The following FBXO36 variants were observed in gnomAD, a reference collection of about 807,000 sequenced individuals.
FBXO36 encodes the protein F-box only protein 36.
In FBXO36, 18 loss-of-function variants were observed where a neutral mutation model predicts 17.0. That is an observed-to-expected ratio of 1.06 (90% confidence interval 0.73 to 1.57). The LOEUF (loss-of-function observed/expected upper bound fraction) is 1.57, where lower values mean the gene tolerates loss of function less well. Among genes scored for constraint, FBXO36 ranks in the 40% most tolerant of loss-of-function variants. FBXO36 has a pLI of 0.00. For missense variants in FBXO36, 229 were observed against 221.9 expected (o/e 1.03, Z -0.20); for synonymous variants, 83 against 85.3 (o/e 0.97, Z 0.15).
chr2:229,944,575 G>A (rs1352996423), intron 1 of FBXO36, among the ~76,000 whole-genome samples: 1 of 147,330 alleles, frequency 6.8e-6, no homozygotes, highest in Admixed American at 7.2e-5. Flanking sequence ...AGCAAAACTG[G>A]TATTTTTTTT....
At chr2:229,967,902 A>T (rs1402160835) in intron 1 of FBXO36, among the ~76,000 whole-genome samples, 2 of 152,130 alleles carry the variant, frequency 1.3e-5, no homozygotes, top group African/African-American at 4.8e-5. Flanking sequence ...AAAATGAGTT[A>T]GGGAGGATTC....
At position 230,010,754 on chromosome 2, in the gene FBXO36, C is replaced by T; in HGVS notation, c.437C>T (p.Thr146Ile). 1 of 1,613,988 alleles carries T rather than the reference C, an allele frequency of 6.2e-7. No homozygotes were observed. Among genetic ancestry groups the T allele is most frequent in the Non-Finnish European group, 8.5e-7 (1 of 1,179,854 alleles). The change falls in exon 4 of 4, where the codon ACT (threonine) becomes ATT (isoleucine). Residue 146 changes from threonine (T) to isoleucine (I), a missense_variant. Thr to Ile is a moderately conservative substitution (Grantham distance 89). Coordinates refer to ENST00000283946, the MANE Select transcript of FBXO36 (RefSeq NM_174899.5). The part of the protein sequence containing the change: ...QIVQSTCDTI[T>I]PDVRALAEDT... Reference sequence around the variant, plus strand: ...GTCCAGTCGACCTGCGACACCATCACTCCTGACGTGAGGGCCCTGGCGGAG... The same window carrying T: ...GTCCAGTCGACCTGCGACACCATCATTCCTGACGTGAGGGCCCTGGCGGAG...
chr2:229,975,261 T>C (rs1326013341), intron 1 of FBXO36, among the ~76,000 whole-genome samples: 3 of 152,130 alleles, frequency 2.0e-5, no homozygotes, highest in African/African-American at 7.2e-5. Context: ...AATGATGCTT[T>C]CCCTATCTCT....
At chr2:230,005,865 A>C (rs919278762) in intron 3 of FBXO36, among the ~76,000 whole-genome samples, 2 of 151,740 alleles carry the variant, frequency 1.3e-5, no homozygotes, top group African/African-American at 4.8e-5. Context: ...ATGGGGTTTC[A>C]CCATTTTGGC....
rs530554442 is a variant in FBXO36 at position 229,979,837 on chromosome 2, T to C, written c.205+3488T>C. Among the ~76,000 whole-genome samples, 16 of 151,664 alleles carry C rather than the reference T, an allele frequency of 1.1e-4. No homozygotes were observed. In the South Asian group the frequency reaches 3.1e-3, roughly 30 times the overall value. The stretch of plus-strand genomic sequence containing the variant: ...CATTGTTGGCTTAAGAACAACCATG[T>C]CAAATAATGAAAAAGAGAAGAAAAT... On this transcript the variant is annotated intron_variant, in intron 2 of 3. Coordinates refer to ENST00000283946, the MANE Select transcript of FBXO36 (RefSeq NM_174899.5).
chr2:229,999,686 T>C (rs1403578475), intron 3 of FBXO36, among the ~76,000 whole-genome samples: 2 of 151,654 alleles, frequency 1.3e-5, no homozygotes, highest in Admixed American at 1.3e-4. Context: ...CAAATATATA[T>C]ATGTATATAT....
intron 3 of FBXO36, among the ~76,000 whole-genome samples, chr2:230,005,862 T>C (rs1160592831): frequency 6.6e-6 from 1 of 152,032 alleles, no homozygotes; most frequent in Non-Finnish European, 1.5e-5. Flanking sequence ...GAGATGGGGT[T>C]TCACCATTTT....
chr2:229,974,895 G>C (rs2077199426), intron 1 of FBXO36, among the ~76,000 whole-genome samples: 1 of 152,118 alleles, frequency 6.6e-6, no homozygotes, highest in Admixed American at 6.6e-5. Context: ...TGTTGAAGCT[G>C]TAGCCCCCAG....
chr2:229,924,488 T>C (rs2076894045), intron 1 of FBXO36, among the ~76,000 whole-genome samples: 1 of 152,218 alleles, frequency 6.6e-6, no homozygotes, highest in African/African-American at 2.4e-5. Flanking sequence ...TCTATTTTTA[T>C]CTACCTCAAG....
At chr2:229,977,351 T>C (rs1413420355) in intron 2 of FBXO36, among the ~76,000 whole-genome samples, 4 of 152,102 alleles carry the variant, frequency 2.6e-5, no homozygotes, top group African/African-American at 9.7e-5. Context: ...CTCAGGACAC[T>C]GGAGACGTCT....
chr2:229,996,876 C>T lies in FBXO36; in HGVS notation c.331C>T (p.Leu111Phe). The change falls in exon 3 of 4, where the codon CTT becomes TTT. Residue 111 changes from leucine to phenylalanine, a missense_variant. Physicochemically the swap from Leu to Phe is conservative, Grantham distance 22. Transcript: ENST00000283946. ...LLLTIISYLD[L>F]EDIARLCQTS... is the part of the protein sequence containing the mutation. The stretch of plus-strand genomic sequence containing the variant: ...CCTGACTATCATTTCTTATCTGGAT[C>T]TTGAAGATATTGCCAGGCTTTGTCA... The T allele has an allele frequency of 6.2e-7, 1 of 1,614,006 alleles. No individual in the cohort carries two copies. Among genetic ancestry groups the T allele is most frequent in the Non-Finnish European group, 8.5e-7 (1 of 1,179,990 alleles).
chr2:229,931,096 A>C (rs938005886), intron 1 of FBXO36, among the ~76,000 whole-genome samples: 1 of 152,158 alleles, frequency 6.6e-6, no homozygotes, highest in Non-Finnish European at 1.5e-5. Flanking sequence ...AATTTCTTTT[A>C]ATTTTTTTAA....
intron 3 of FBXO36, among the ~76,000 whole-genome samples, chr2:230,008,795 A>G (rs2077400407): frequency 6.6e-6 from 1 of 152,214 alleles, no homozygotes; most frequent in South Asian, 2.1e-4. Flanking sequence ...TTATATTTAG[A>G]ATAGGTTGTA....
intron 1 of FBXO36, among the ~76,000 whole-genome samples, chr2:229,968,081 C>T (rs2077162850): frequency 6.6e-6 from 1 of 151,906 alleles, no homozygotes; most frequent in Non-Finnish European, 1.5e-5. Flanking sequence ...TTCGGAGATT[C>T]AACTTCTTTT....
rs1339102866 is a variant in FBXO36, at chr2:229,996,921, A to G, written c.376A>G (p.Lys126Glu). 1 of 1,611,398 alleles carries G rather than the reference A, an allele frequency of 6.2e-7. No homozygotes were observed. The highest frequency in any genetic ancestry group is 1.1e-5 in the South Asian group (1 of 90,034). ...RLCQTSHRFA[K>E]LCMSDKLWEQ... is the part of the protein sequence containing the mutation. ...TTGTCAAACATCACACAGATTTGCA[A>G]AGGTAACGGTCAATTATTTTATGTC... The change falls in exon 3 of 4, where the codon AAG becomes GAG. Residue 126 changes from lysine to glutamate, a missense_variant and splice_region_variant. Transcript: ENST00000283946.
chr2:229,976,286 T>A lies in FBXO36; in HGVS notation c.142T>A (p.Ser48Thr), dbSNP rs1227455059. The A allele has an allele frequency of 6.2e-7, 1 of 1,613,628 alleles. No individual in the cohort carries two copies. The highest frequency in any genetic ancestry group is 1.3e-5 in the African/African-American group (1 of 74,908). The change falls in exon 2 of 4, where the codon TCA becomes ACA. Residue 48 changes from serine to threonine, a missense_variant. Ser to Thr is a moderately conservative substitution (Grantham distance 58). Transcript: ENST00000283946. ...GATCTCTCTAAGGAGTGAGTATCGA[T>A]CAACAAAACCTGGAGAAGCAAAAGA... ...WKISLRSEYR[S>T]TKPGEAKETH...
At chr2:229,981,270 C>G (rs1381064407) in intron 2 of FBXO36, among the ~76,000 whole-genome samples, 1 of 152,130 alleles carries the variant, frequency 6.6e-6, no homozygotes, top group Non-Finnish European at 1.5e-5. Flanking sequence ...GAGAGGATCA[C>G]TAGAGGCCAG....
chr2:229,983,528 A>T (rs2077251858), intron 2 of FBXO36, among the ~76,000 whole-genome samples: 3 of 151,904 alleles, frequency 2.0e-5, no homozygotes, highest in Admixed American at 2.0e-4. Context: ...CTGGTCTCAA[A>T]CTCCTGAGCT....
At chr2:229,971,389 C>A (rs1356187898) in intron 1 of FBXO36, among the ~76,000 whole-genome samples, 2 of 149,930 alleles carry the variant, frequency 1.3e-5, no homozygotes, top group African/African-American at 4.9e-5. Context: ...AAACAAAAAA[C>A]AAGTGATAAA....
Sources: gnomAD v4.1 joint callset for allele counts (sites outside exome capture counted in the v4.1 genomes callset) on GRCh38, gnomAD v4.1.1 for gene constraint, MANE v1.5 for transcripts, NCBI Gene and HGNC (gene_info 2026-07-23, HGNC 2026-07-21) for gene names.